GBE1: variants seen among roughly 807,000 people sequenced by gnomAD.
The protein encoded by GBE1 is 1,4-alpha-glucan-branching enzyme.
Under a neutral mutation model 88.8 loss-of-function variants are expected in GBE1, and 70 were observed. That is an observed-to-expected ratio of 0.79 (90% confidence interval 0.65 to 0.96). GBE1 has a LOEUF of 0.96. Ranked by LOEUF, GBE1 falls within the 40% of genes least tolerant of loss-of-function variation. GBE1 has a pLI of 0.00. For missense variants in GBE1, 872 were observed against 871.0 expected (o/e 1.00, Z -0.01); for synonymous variants, 284 against 300.1 (o/e 0.95, Z 0.56).
intron 7 of GBE1, among the ~76,000 whole-genome samples, chr3:81,615,271 G>A (rs1704233567): frequency 6.6e-6 from 1 of 152,164 alleles, no homozygotes; most frequent in Non-Finnish European, 1.5e-5. Flanking sequence ...AAATGATACA[G>A]AGGGGTACTG....
chr3:81,593,134 G>A (rs995299027), intron 8 of GBE1, among the ~76,000 whole-genome samples: 1 of 151,894 alleles, frequency 6.6e-6, no homozygotes, highest in Non-Finnish European at 1.5e-5. Flanking sequence ...AGGCCAAGGC[G>A]GGCAGATCAC....
At chr3:81,585,888 A>C (rs1357592524) in intron 10 of GBE1, among the ~76,000 whole-genome samples, 3 of 152,218 alleles carry the variant, frequency 2.0e-5, no homozygotes, top group Non-Finnish European at 4.4e-5. Context: ...CCTTTGCCTG[A>C]ATACGTATGA....
chr3:81,669,385 C>T (rs915589843), intron 3 of GBE1, among the ~76,000 whole-genome samples: 2 of 151,986 alleles, frequency 1.3e-5, no homozygotes, highest in African/African-American at 2.4e-5. Flanking sequence ...AAAAAAGTTC[C>T]GAACCTAAAA....
intron 12 of GBE1, among the ~76,000 whole-genome samples, chr3:81,567,068 A>T (rs1450562290): frequency 6.6e-6 from 1 of 152,126 alleles, no homozygotes; most frequent in Non-Finnish European, 1.5e-5. Flanking sequence ...GCATTACTTG[A>T]CTTTCACTTT....
intron 14 of GBE1, chr3:81,534,920 T>TC (rs1559636993): frequency 3.1e-6 from 1 of 319,584 alleles, no homozygotes; most frequent in Non-Finnish European, 5.7e-6. Flanking sequence ...AGTGAAACCT[T>TC]CAGGACAGCA....
chr3:81,731,405 C>T (rs767716938), intron 1 of GBE1, among the ~76,000 whole-genome samples: 18 of 152,184 alleles, frequency 1.2e-4, no homozygotes, highest in Non-Finnish European at 1.9e-4. Flanking sequence ...ATTAGCAACT[C>T]AAAAGCTAAG....
chr3:81,563,230 T>G (rs1285705024), intron 12 of GBE1, among the ~76,000 whole-genome samples: 1 of 152,142 alleles, frequency 6.6e-6, no homozygotes, highest in African/African-American at 2.4e-5. Flanking sequence ...TGGTAACCTC[T>G]AGAAACTTAC....
chr3:81,738,585 G>T (rs1706306795), intron 1 of GBE1, among the ~76,000 whole-genome samples: 1 of 151,778 alleles, frequency 6.6e-6, no homozygotes, highest in African/African-American at 2.4e-5. Flanking sequence ...TAAAGCTATT[G>T]TAATGAATGT....
chr3:81,675,431 T>C (rs944872964), intron 2 of GBE1, among the ~76,000 whole-genome samples: 1 of 151,974 alleles, frequency 6.6e-6, no homozygotes, highest in Non-Finnish European at 1.5e-5. Flanking sequence ...GGAATTTAAA[T>C]GTATTAATGT....
intron 1 of GBE1, among the ~76,000 whole-genome samples, chr3:81,748,092 C>A (rs572868520): frequency 1.3e-5 from 2 of 152,016 alleles, no homozygotes; most frequent in African/African-American, 4.8e-5. Context: ...TGCACTCCAG[C>A]CTGGACAACA....
intron 3 of GBE1, among the ~76,000 whole-genome samples, chr3:81,666,332 T>C (rs1366858859): frequency 6.6e-6 from 1 of 152,230 alleles, no homozygotes; most frequent in Non-Finnish European, 1.5e-5. Context: ...GGGCTACTTT[T>C]CTTTCCATAT....
rs943960772 is a variant in GBE1, at chr3:81,490,563, A to T, written c.2053-100T>A. The stretch of plus-strand genomic sequence containing the variant: ...GCATGACGCAGTCTCACATCTGCCT[A>T]AAGTTACAGTTACCTTTACAATTTT... On this transcript the variant is annotated intron_variant, in intron 15 of 15. Coordinates refer to ENST00000429644, the MANE Select transcript of GBE1 (RefSeq NM_000158.4). 4.9e-5 allele frequency: 45 copies of T among 927,634 alleles called. No homozygotes were observed. The African/African-American group carries it at 7.0e-4, about 14-fold the overall frequency. The allele number at this position is 927,634 out of a possible 1,614,324, so 57.5% of individuals were successfully genotyped here.
At chr3:81,597,821 A>G (rs748012639) in intron 7 of GBE1, among the ~76,000 whole-genome samples, 1 of 151,954 alleles carries the variant, frequency 6.6e-6, no homozygotes, top group Non-Finnish European at 1.5e-5. Flanking sequence ...CTGGCAATCA[A>G]AACAATCATG....
At chr3:81,592,154 CGT>C (rs1008370833) in intron 8 of GBE1, among the ~76,000 whole-genome samples, 14 of 151,802 alleles carry the variant, frequency 9.2e-5, no homozygotes, top group African/African-American at 2.4e-4. Flanking sequence ...TGTGTGCGCG[CGT>C]GTGTGTGTGT....
intron 7 of GBE1, among the ~76,000 whole-genome samples, chr3:81,629,893 TG>T (rs1704482308): frequency 8.9e-6 from 1 of 112,878 alleles, no homozygotes; most frequent in Non-Finnish European, 1.7e-5. Flanking sequence ...CAGTCCCCGG[TG>T]TGTGATCTTC....
At chr3:81,760,701 T>C (rs918177773) in intron 1 of GBE1, among the ~76,000 whole-genome samples, 3 of 152,220 alleles carry the variant, frequency 2.0e-5, no homozygotes, top group Non-Finnish European at 4.4e-5. Context: ...AAAACGACAT[T>C]GGCCTGTAAA....
At chr3:81,533,070 T>A (rs1332388289) in intron 14 of GBE1, among the ~76,000 whole-genome samples, 1 of 152,056 alleles carries the variant, frequency 6.6e-6, no homozygotes, top group African/African-American at 2.4e-5. Flanking sequence ...TCTCTTTCCC[T>A]CCACTTAAGG....
chr3:81,542,543 G>T (rs1489863213), intron 12 of GBE1, among the ~76,000 whole-genome samples: 1 of 151,932 alleles, frequency 6.6e-6, no homozygotes, highest in Non-Finnish European at 1.5e-5. Flanking sequence ...ATATGTTTAG[G>T]ATTCTACTTT....
At chr3:81,717,912 G>T (rs563025372) in intron 1 of GBE1, among the ~76,000 whole-genome samples, 52 of 151,794 alleles carry the variant, frequency 3.4e-4, no homozygotes, top group Admixed American at 1.8e-3. Context: ...TAAAATGCAG[G>T]GTATAAACCA....
Sources: gnomAD v4.1 joint callset for allele counts (sites outside exome capture counted in the v4.1 genomes callset) on GRCh38, gnomAD v4.1.1 for gene constraint, MANE v1.5 for transcripts, NCBI Gene and HGNC (gene_info 2026-07-23, HGNC 2026-07-21) for gene names.